The following SPSB1 variants were observed in gnomAD, a reference collection of about 807,000 sequenced individuals.
The protein encoded by SPSB1 is SPRY domain-containing SOCS box protein 1.
In SPSB1, 8 loss-of-function variants were observed where a neutral mutation model predicts 21.2. The ratio of observed to expected loss-of-function variants is 0.38; its 90% CI spans 0.22 to 0.68. The LOEUF (loss-of-function observed/expected upper bound fraction) is 0.68. Ranked by LOEUF, SPSB1 falls within the 30% of genes least tolerant of loss-of-function variation. The pLI, the probability that SPSB1 is intolerant of heterozygous loss-of-function variation, is 0.53. For missense variants in SPSB1, 242 were observed against 377.8 expected, an observed-to-expected ratio of 0.64 and a Z score of 2.98; for synonymous variants, 169 against 161.7, an observed-to-expected ratio of 1.05 and a Z score of -0.34.
At position 9,299,671 on chromosome 1, in the gene SPSB1, G is replaced by T. The variant is rs1020729616; in HGVS notation, c.-150+6600G>T. On this transcript the variant is annotated intron_variant, in intron 1 of 2. Transcript: ENST00000328089. ...ATTTTTTGTATTTAGTAGAGACAGG[G>T]TTTCACTATGTTGGTCAGGCTGGTC... Among the ~76,000 whole-genome samples the T allele has an allele frequency of 3.3e-5, 5 of 152,168 alleles. No individual in the cohort carries two copies. The South Asian group carries it at 1.0e-3, about 32-fold the overall frequency.
chr1:9,358,023 G>A (rs1024052629), intron 2 of SPSB1, among the ~76,000 whole-genome samples: 2 of 152,126 alleles, frequency 1.3e-5, no homozygotes, highest in Non-Finnish European at 1.5e-5. Flanking sequence ...GAGGCAGAGG[G>A]GGGTGAGGCC....
At chr1:9,343,952 AT>A (rs1280903699) in intron 1 of SPSB1, among the ~76,000 whole-genome samples, 1 of 151,976 alleles carries the variant, frequency 6.6e-6, no homozygotes, top group Admixed American at 6.6e-5. Flanking sequence ...CGCCTGGCTA[AT>A]TTTTTGTATT....
intron 1 of SPSB1, among the ~76,000 whole-genome samples, chr1:9,342,486 G>T (rs1292206180): frequency 3.3e-5 from 5 of 152,186 alleles, no homozygotes; most frequent in Non-Finnish European, 2.9e-5. Flanking sequence ...CAGAAGGTAG[G>T]GCCTTTGCCA....
At chr1:9,320,482 C>A (rs1025214997) in intron 1 of SPSB1, among the ~76,000 whole-genome samples, 1 of 152,206 alleles carries the variant, frequency 6.6e-6, no homozygotes, top group East Asian at 1.9e-4. Context: ...CTGGGAGAAG[C>A]CGTTTCCCTT....
chr1:9,353,610 G>A (rs1456711050), intron 1 of SPSB1, among the ~76,000 whole-genome samples: 1 of 152,138 alleles, frequency 6.6e-6, no homozygotes, highest in East Asian at 1.9e-4. Context: ...AGATGACCGT[G>A]CCCCTGAGAT....
intron 2 of SPSB1, among the ~76,000 whole-genome samples, chr1:9,362,376 C>T (rs11121389): frequency 0.12 from 18,995 of 152,264 alleles, 1,521 homozygotes; most frequent in East Asian, 0.25. Flanking sequence ...GACAAAGGCT[C>T]CACGTTGTGT....
chr1:9,295,772 G>A (rs1336144732), intron 1 of SPSB1, among the ~76,000 whole-genome samples: 2 of 152,184 alleles, frequency 1.3e-5, no homozygotes, highest in African/African-American at 2.4e-5. Context: ...CAAATTCAGC[G>A]AAACCTCTGA....
chr1:9,301,829 G>A (rs1273664522), intron 1 of SPSB1, among the ~76,000 whole-genome samples: 8 of 152,318 alleles, frequency 5.3e-5, no homozygotes, highest in South Asian at 2.1e-4. Flanking sequence ...CCCATTCCCC[G>A]GGATGATCAC....
chr1:9,338,144 C>T (rs762161189), intron 1 of SPSB1, among the ~76,000 whole-genome samples: 1 of 152,222 alleles, frequency 6.6e-6, no homozygotes, highest in Non-Finnish European at 1.5e-5. Context: ...TCCCCTCGCT[C>T]CTCCCCCCAG....
rs57871457 is a variant in SPSB1, at chr1:9,361,156, C to CTTTTTT, written c.694+4593_694+4598dup. Reference sequence around the variant, plus strand: ...CAGGCATGGCTGGATCTGTCATTTTCTTTTTTTTTTTTTTTTTTTTTTTTT... The same window carrying CTTTTTT: ...CAGGCATGGCTGGATCTGTCATTTTCTTTTTTTTTTTTTTTTTTTTTTTTTTTTTTT... On this transcript the variant is annotated intron_variant, in intron 2 of 2. Transcript: ENST00000328089. Among the ~76,000 whole-genome samples the CTTTTTT allele has an allele frequency of 2.0e-3, 210 of 102,538 alleles. 15 individuals carry two copies. Among genetic ancestry groups the CTTTTTT allele is most frequent in the African/African-American group, 8.3e-3 (200 of 24,186 alleles). 67.3% of individuals were successfully genotyped at this position (102,538 alleles called of 152,430 possible).
intron 1 of SPSB1, among the ~76,000 whole-genome samples, chr1:9,327,513 C>T (rs1639836619): frequency 6.6e-6 from 1 of 152,022 alleles, no homozygotes; most frequent in South Asian, 2.1e-4. Flanking sequence ...AGCAGGCAGA[C>T]TGGGAGTGTA....
At chr1:9,335,136 CTGTAAAATGCACCATTT>C (rs1481551370) in intron 1 of SPSB1, among the ~76,000 whole-genome samples, 2 of 151,736 alleles carry the variant, frequency 1.3e-5, no homozygotes, top group African/African-American at 4.8e-5. Flanking sequence ...TCTACAGGGC[CTGTAAAATGCACCATTT>C]TGTAAAATGG....
chr1:9,326,918 C>T (rs1203614031), intron 1 of SPSB1, among the ~76,000 whole-genome samples: 3 of 152,020 alleles, frequency 2.0e-5, no homozygotes, highest in South Asian at 2.1e-4. Context: ...TAGGTGGAGG[C>T]GGGGACCCTA....
chr1:9,354,375 G>C (rs1300136130), intron 1 of SPSB1, among the ~76,000 whole-genome samples: 1 of 152,136 alleles, frequency 6.6e-6, no homozygotes, highest in Admixed American at 6.5e-5. Context: ...TCTTCAACGG[G>C]AGCCTGCCTT....
At chr1:9,366,143 G>A (rs1174208722) in intron 2 of SPSB1, among the ~76,000 whole-genome samples, 1 of 152,246 alleles carries the variant, frequency 6.6e-6, no homozygotes, top group East Asian at 1.9e-4. Context: ...CTGGGAGGCT[G>A]CAGCTGGAAG....
intron 1 of SPSB1, among the ~76,000 whole-genome samples, chr1:9,337,567 G>C (rs573725855): frequency 1.2e-4 from 19 of 152,308 alleles, no homozygotes; most frequent in African/African-American, 4.6e-4. Flanking sequence ...AGCCCTCTGC[G>C]GGCTTTTCTC....
intron 1 of SPSB1, among the ~76,000 whole-genome samples, chr1:9,355,076 C>G (rs532143370): frequency 6.6e-6 from 1 of 152,270 alleles, no homozygotes; most frequent in African/African-American, 2.4e-5. Flanking sequence ...GGGGATGAGC[C>G]CCCCTTGCTG....
chr1:9,324,834 G>A lies in SPSB1; in HGVS notation c.-149-30909G>A, dbSNP rs1001197595. Among the ~76,000 whole-genome samples, 7 of 152,234 alleles carry A rather than the reference G, an allele frequency of 4.6e-5. No individual in the cohort carries two copies. Among genetic ancestry groups the A allele is most frequent in the African/African-American group, 1.7e-4 (7 of 41,464 alleles). On this transcript the variant is annotated intron_variant, in intron 1 of 2. Coordinates refer to ENST00000328089, the MANE Select transcript of SPSB1 (RefSeq NM_025106.4). This position sits in a 1 kb window ranked among gnomAD's most constrained non-coding sequence, Gnocchi z 4.3. ...CACTGGGCCAGACAGTCGTGTTTGCGACAAGTCTGTTCGCCTGGCCGTGGA... is the reference window on the plus strand; with the variant it reads ...CACTGGGCCAGACAGTCGTGTTTGCAACAAGTCTGTTCGCCTGGCCGTGGA...
At chr1:9,316,344 G>A (rs1294063833) in intron 1 of SPSB1, among the ~76,000 whole-genome samples, 4 of 152,188 alleles carry the variant, frequency 2.6e-5, no homozygotes, top group Non-Finnish European at 5.9e-5. Context: ...TAGGGCAGAG[G>A]TGAGAGACAG....
Sources: allele counts gnomAD v4.1 joint callset (sites outside exome capture counted in the v4.1 genomes callset), GRCh38; gene constraint gnomAD v4.1.1; non-coding constraint Gnocchi (gnomAD v3.1); transcripts MANE v1.5; gene names NCBI Gene and HGNC (gene_info 2026-07-23, HGNC 2026-07-21).